NRXN1: variants seen among roughly 807,000 people sequenced by gnomAD.
NRXN1 encodes neurexin-1.
A neutral mutation model predicts 150.9 loss-of-function variants in NRXN1; 39 were observed. The observed-to-expected ratio is 0.26, with a 90% CI of 0.20 to 0.34. NRXN1 has a LOEUF of 0.34. NRXN1 is among the 10% of genes least tolerant of loss of function. The pLI is 1.00. For missense variants in NRXN1, 1,815 were observed against 1,949.9 expected (o/e 0.93, Z 1.30); for synonymous variants, 924 against 757.0 (o/e 1.22, Z -3.62).
intron 5 of NRXN1, among the ~76,000 whole-genome samples, chr2:50,786,788 C>T (rs1402159846): frequency 6.6e-6 from 1 of 152,078 alleles, no homozygotes; most frequent in East Asian, 1.9e-4. Context: ...CTGATTAATG[C>T]CCGCATAAGA....
chr2:50,974,330 G>C (rs1378412468), intron 2 of NRXN1, among the ~76,000 whole-genome samples: 1 of 152,124 alleles, frequency 6.6e-6, no homozygotes. Flanking sequence ...ACACCCAACA[G>C]ATCTTTAGGC....
chr2:50,895,340 G>A (rs1325324908), intron 5 of NRXN1, among the ~76,000 whole-genome samples: 1 of 152,044 alleles, frequency 6.6e-6, no homozygotes, highest in Non-Finnish European at 1.5e-5. Flanking sequence ...ACAAGTAAAT[G>A]CCTCTACATA....
At chr2:50,198,634 C>A (rs2061929490) in intron 18 of NRXN1, among the ~76,000 whole-genome samples, 1 of 151,982 alleles carries the variant, frequency 6.6e-6, no homozygotes, top group Admixed American at 6.6e-5. Context: ...TCAAGCAGAA[C>A]CATCGATGTG....
chr2:50,844,939 G>A (rs768783840), intron 5 of NRXN1, among the ~76,000 whole-genome samples: 1 of 151,672 alleles, frequency 6.6e-6, no homozygotes, highest in African/African-American at 2.4e-5. Context: ...TTGCAGTCTC[G>A]ACTTGCCAGG....
At chr2:50,425,014 A>G (rs963350807) in intron 17 of NRXN1, among the ~76,000 whole-genome samples, 2 of 152,174 alleles carry the variant, frequency 1.3e-5, no homozygotes, top group Non-Finnish European at 2.9e-5. Context: ...AAGAGACTGG[A>G]CCTCAGAATA....
intron 18 of NRXN1, among the ~76,000 whole-genome samples, chr2:50,100,339 T>C (rs935049597): frequency 1.3e-5 from 2 of 152,054 alleles, no homozygotes; most frequent in Non-Finnish European, 2.9e-5. Context: ...GATGGACAGA[T>C]CTTGAGCTCC....
intron 19 of NRXN1, among the ~76,000 whole-genome samples, chr2:50,078,651 C>G (rs1403036548): frequency 6.6e-6 from 1 of 152,002 alleles, no homozygotes; most frequent in Non-Finnish European, 1.5e-5. Flanking sequence ...GTAGTTAACA[C>G]TTTTGAAGAA....
intron 2 of NRXN1, among the ~76,000 whole-genome samples, chr2:50,970,658 G>C (rs1449324512): frequency 1.3e-5 from 2 of 152,040 alleles, no homozygotes; most frequent in African/African-American, 4.8e-5. Context: ...ATCAGTTGAA[G>C]GAAAGCAAAT....
intron 17 of NRXN1, among the ~76,000 whole-genome samples, chr2:50,396,346 A>G (rs930983720): frequency 2.5e-4 from 38 of 152,190 alleles, no homozygotes; most frequent in Admixed American, 2.5e-3. Context: ...ATCACATGTA[A>G]TGGTACTTAT....
At chr2:50,187,251 C>T (rs1189660995) in intron 18 of NRXN1, among the ~76,000 whole-genome samples, 1 of 151,940 alleles carries the variant, frequency 6.6e-6, no homozygotes, top group East Asian at 1.9e-4. Flanking sequence ...CAGTCTTGAC[C>T]ACATGTTCAC....
chr2:50,008,805 T>C (rs931073466), intron 21 of NRXN1, among the ~76,000 whole-genome samples: 1 of 152,114 alleles, frequency 6.6e-6, no homozygotes. Context: ...CTACAAAGTA[T>C]ATAAGATTAC....
At chr2:49,932,551 T>C (rs1176973057) in intron 22 of NRXN1, among the ~76,000 whole-genome samples, 1 of 152,118 alleles carries the variant, frequency 6.6e-6, no homozygotes, top group African/African-American at 2.4e-5. Flanking sequence ...AAAGCCAAGC[T>C]ATTAAATAGT....
At chr2:50,751,808 A>G (rs1481553621) in intron 5 of NRXN1, among the ~76,000 whole-genome samples, 2 of 151,908 alleles carry the variant, frequency 1.3e-5, no homozygotes, top group East Asian at 3.9e-4. Context: ...TTGGAATATG[A>G]CTCACTTAAG....
intron 18 of NRXN1, among the ~76,000 whole-genome samples, chr2:50,092,206 G>A (rs906871471): frequency 2.6e-5 from 4 of 152,170 alleles, no homozygotes; most frequent in Non-Finnish European, 2.9e-5. Context: ...CAAAATGAAC[G>A]CCCTCTTCAC....
At chr2:50,999,256 C>T (rs778769572) in intron 2 of NRXN1, among the ~76,000 whole-genome samples, 1 of 152,056 alleles carries the variant, frequency 6.6e-6, no homozygotes, top group Non-Finnish European at 1.5e-5. Flanking sequence ...GTGACTCTCA[C>T]TTATCCATTT....
At chr2:50,458,795 T>C (rs960432194) in intron 17 of NRXN1, among the ~76,000 whole-genome samples, 1 of 152,120 alleles carries the variant, frequency 6.6e-6, no homozygotes, top group African/African-American at 2.4e-5. Flanking sequence ...TTGGCCAGGA[T>C]GGTCTCGAAC....
chr2:50,582,284 C>G (rs187781081), intron 8 of NRXN1, among the ~76,000 whole-genome samples: 41 of 151,958 alleles, frequency 2.7e-4, no homozygotes, highest in African/African-American at 9.6e-4. Flanking sequence ...AATCCCAGCA[C>G]TTTGAGAGGT....
intron 17 of NRXN1, among the ~76,000 whole-genome samples, chr2:50,464,792 A>T (rs2104640333): frequency 6.6e-6 from 1 of 152,024 alleles, no homozygotes; most frequent in Admixed American, 6.6e-5. Flanking sequence ...CATCTTATAG[A>T]TCAGTTAATT....
At chr2:50,472,651 T>C (rs1396483897) in intron 15 of NRXN1, among the ~76,000 whole-genome samples, 180 bp from the exon 16 acceptor site, 1 of 149,168 alleles carries the variant, frequency 6.7e-6, no homozygotes, top group East Asian at 1.9e-4. Flanking sequence ...ATACTGGCAC[T>C]AGGAGACATT....
Sources: allele counts gnomAD v4.1 joint callset (sites outside exome capture counted in the v4.1 genomes callset), GRCh38; gene constraint gnomAD v4.1.1; transcripts MANE v1.5; gene names NCBI Gene and HGNC (gene_info 2026-07-23, HGNC 2026-07-21).